PLEKHG1: variants seen among roughly 807,000 people sequenced by gnomAD.
PLEKHG1 encodes pleckstrin homology domain-containing family G member 1.
PLEKHG1 carries 44 observed loss-of-function variants against 100.8 expected under a neutral mutation model. The ratio of observed to expected loss-of-function variants is 0.44; its 90% CI spans 0.34 to 0.56. The LOEUF (loss-of-function observed/expected upper bound fraction) is 0.56, where lower values mean the gene tolerates loss of function less well. Among genes scored for constraint, PLEKHG1 ranks in the 20% least tolerant of loss-of-function variants. PLEKHG1 has a pLI of 0.01. For synonymous variants in PLEKHG1, 640 were observed against 662.5 expected (o/e 0.97, Z 0.52); for missense variants, 1,545 against 1,720.9 (o/e 0.90, Z 1.81).
At chr6:150,839,254 A>G (rs918376144) in intron 15 of PLEKHG1, among the ~76,000 whole-genome samples, 2 of 152,182 alleles carry the variant, frequency 1.3e-5, no homozygotes, top group African/African-American at 4.8e-5. Flanking sequence ...AGCTGGGACT[A>G]CAGGTGCACG....
At chr6:150,692,826 T>C (rs1780392434) in intron 3 of PLEKHG1, among the ~76,000 whole-genome samples, 1 of 152,178 alleles carries the variant, frequency 6.6e-6, no homozygotes, top group South Asian at 2.1e-4. Flanking sequence ...AATTAATTAG[T>C]TACACTGTCA....
At chr6:150,639,389 A>G (rs60741167) in intron 2 of PLEKHG1, among the ~76,000 whole-genome samples, 2,423 of 152,258 alleles carry the variant, frequency 0.016, 64 homozygotes, top group African/African-American at 0.055. Flanking sequence ...TGCAACATTT[A>G]TCATTTTTTT....
rs199965889 is a variant in PLEKHG1, at chr6:150,830,783, G to A, written c.1672G>A (p.Asp558Asn). The change falls in exon 15 of 16, where the codon GAT becomes AAT. Residue 558 changes from aspartate to asparagine, a missense_variant. Physicochemically the swap from Asp to Asn is conservative, Grantham distance 23. Transcript: ENST00000358517. ...GCAGGAGAATGAGGATGATGAAGAT[G>A]ATTATCAGATGTTCGTGCCGTCATT... 1.9e-6 allele frequency: 3 copies of A among 1,614,106 alleles called. No individual in the cohort carries two copies. The East Asian group carries it at 6.7e-5, about 36-fold the overall frequency.
chr6:150,682,759 A>C (rs1181491533), intron 3 of PLEKHG1, among the ~76,000 whole-genome samples: 1 of 152,144 alleles, frequency 6.6e-6, no homozygotes, highest in East Asian at 1.9e-4. Flanking sequence ...TGTGCCCTGA[A>C]AGCAAGAGTG....
rs567247214 is a variant in PLEKHG1, at chr6:150,782,821, C to T, written c.513-3569C>T. Reference sequence around the variant, plus strand: ...ATGAGGAACACCACACAATAAACTCCATCCCTGCGAAGAGTTCATGATTGA... The same window carrying T: ...ATGAGGAACACCACACAATAAACTCTATCCCTGCGAAGAGTTCATGATTGA... On this transcript the variant is annotated intron_variant, in intron 3 of 15. Transcript: ENST00000358517. 2.0e-5 allele frequency among the ~76,000 whole-genome samples: 3 copies of T among 152,264 alleles called. No individual in the cohort carries two copies. In the East Asian group the frequency reaches 5.8e-4, roughly 29 times the overall value.
chr6:150,633,467 A>G (rs996744281), intron 1 of PLEKHG1, among the ~76,000 whole-genome samples: 1 of 152,178 alleles, frequency 6.6e-6, no homozygotes, highest in Non-Finnish European at 1.5e-5. Flanking sequence ...GCTGGTGGGA[A>G]TCAGGCAGAG....
At chr6:150,656,501 G>A (rs541409479) in intron 3 of PLEKHG1, among the ~76,000 whole-genome samples, 40 of 152,102 alleles carry the variant, frequency 2.6e-4, no homozygotes, top group Non-Finnish European at 4.4e-4. Context: ...GGTTTCTGTT[G>A]CTGTAGACTC....
At chr6:150,638,898 T>C (rs538441466) in intron 2 of PLEKHG1, among the ~76,000 whole-genome samples, 2 of 152,374 alleles carry the variant, frequency 1.3e-5, no homozygotes, top group Admixed American at 1.3e-4. Flanking sequence ...AGTAAATTAC[T>C]ACTTTACCTA....
chr6:150,676,171 G>A (rs966290944), intron 3 of PLEKHG1, among the ~76,000 whole-genome samples: 1 of 152,154 alleles, frequency 6.6e-6, no homozygotes, highest in South Asian at 2.1e-4. Context: ...GAACTAGAAC[G>A]TAATGAAAGC....
chr6:150,636,688 G>T (rs1778016558), intron 1 of PLEKHG1, among the ~76,000 whole-genome samples: 1 of 152,066 alleles, frequency 6.6e-6, no homozygotes, highest in Non-Finnish European at 1.5e-5. Flanking sequence ...TGGAGTTCTA[G>T]GTTGTTCTCA....
chr6:150,797,951 T>C (rs1450805426), intron 5 of PLEKHG1, among the ~76,000 whole-genome samples: 1 of 149,792 alleles, frequency 6.7e-6, no homozygotes, highest in Non-Finnish European at 1.5e-5. Flanking sequence ...TTCCCCAGTT[T>C]CCCCTAAAAA....
At chr6:150,630,089 C>T (rs1216126362) in intron 1 of PLEKHG1, among the ~76,000 whole-genome samples, 3 of 152,124 alleles carry the variant, frequency 2.0e-5, no homozygotes, top group African/African-American at 7.2e-5. Flanking sequence ...CGGTACTGCC[C>T]ACAGTGCTCT....
chr6:150,728,680 G>A (rs548226709), intron 1 of PLEKHG1, among the ~76,000 whole-genome samples: 10 of 151,382 alleles, frequency 6.6e-5, no homozygotes, highest in Middle Eastern at 6.8e-3. Context: ...GGTAGATCAC[G>A]AGGTCAGGAG....
intron 3 of PLEKHG1, among the ~76,000 whole-genome samples, chr6:150,711,642 T>C (rs1781245409): frequency 6.6e-6 from 1 of 152,264 alleles, no homozygotes; most frequent in African/African-American, 2.4e-5. Context: ...GCTGTTATCA[T>C]AGGATTATTT....
chr6:150,696,567 G>T (rs1362557421), intron 3 of PLEKHG1, among the ~76,000 whole-genome samples: 1 of 152,108 alleles, frequency 6.6e-6, no homozygotes, highest in East Asian at 1.9e-4. Context: ...CCGTTAATCT[G>T]ACTTTGTGGG....
At chr6:150,824,925 A>C (rs1776510780) in intron 14 of PLEKHG1, among the ~76,000 whole-genome samples, 1 of 151,940 alleles carries the variant, frequency 6.6e-6, no homozygotes, top group Non-Finnish European at 1.5e-5. Flanking sequence ...TGTGAAACTT[A>C]TTAATTGGTT....
intron 1 of PLEKHG1, among the ~76,000 whole-genome samples, chr6:150,611,556 A>C (rs982583352): frequency 8.5e-5 from 13 of 152,204 alleles, no homozygotes; most frequent in African/African-American, 3.1e-4. Flanking sequence ...TCACGCCTGT[A>C]ATCCCAACAC....
intron 1 of PLEKHG1, among the ~76,000 whole-genome samples, chr6:150,601,397 T>C (rs778857134): frequency 2.6e-5 from 4 of 152,198 alleles, no homozygotes; most frequent in Non-Finnish European, 5.9e-5. Context: ...GCCTCCCTTA[T>C]AAAGCAGTGC....
intron 3 of PLEKHG1, among the ~76,000 whole-genome samples, chr6:150,659,605 G>A (rs753206566): frequency 5.3e-5 from 8 of 152,152 alleles, no homozygotes; most frequent in Non-Finnish European, 8.8e-5. Context: ...GAGCAGCAGC[G>A]GGAGTAATAT....
Sources: gnomAD v4.1 joint callset for allele counts (sites outside exome capture counted in the v4.1 genomes callset) on GRCh38, gnomAD v4.1.1 for gene constraint, MANE v1.5 for transcripts, NCBI Gene and HGNC (gene_info 2026-07-23, HGNC 2026-07-21) for gene names.